BTBD18: variants seen among roughly 807,000 people sequenced by gnomAD.
BTBD18 encodes BTB domain containing 18, also known as BTB/POZ domain-containing protein 18.
For missense variants in BTBD18, 787 were observed against 846.3 expected, an observed-to-expected ratio of 0.93 and a Z score of 0.87; for synonymous variants, 311 against 324.4, an observed-to-expected ratio of 0.96 and a Z score of 0.44.
chr11:57,750,878 G>A (rs1949292672), intron 2 of BTBD18, among the ~76,000 whole-genome samples, 187 bp downstream of exon 2: 1 of 152,188 alleles, frequency 6.6e-6, no homozygotes, highest in African/African-American at 2.4e-5. Flanking sequence ...AGAGAAAGAA[G>A]CAAAGTCACA....
rs1949148669 is a variant in BTBD18 at position 57,744,343 on chromosome 11, T to A, written c.1930A>T (p.Thr644Ser). The A allele has an allele frequency of 6.4e-7, 1 of 1,551,482 alleles. No individual in the cohort carries two copies. Among genetic ancestry groups the A allele is most frequent in the Non-Finnish European group, 8.7e-7 (1 of 1,146,946 alleles). Residue 644 changes from threonine (T) to serine (S), a missense_variant, in exon 3 of 3, where the codon ACA becomes TCA. Coordinates refer to ENST00000422652, the MANE Select transcript of BTBD18 (RefSeq NM_001145101.3). ...GGAGAAGGGTATAATAACTCATCTGTAGTCAAGGAGACTTCCAGCCCAGTC... is the reference window on the plus strand; with the variant it reads ...GGAGAAGGGTATAATAACTCATCTGAAGTCAAGGAGACTTCCAGCCCAGTC... ...VETGLEVSLT[T>S]DELLYPSPKA... is the part of the protein sequence containing the mutation.
At position 57,748,252 on chromosome 11, in the gene BTBD18, A is replaced by C. The variant is rs189519159; in HGVS notation, c.125-2104T>G. On this transcript the variant is annotated intron_variant, in intron 2 of 2. Coordinates refer to ENST00000422652, the MANE Select transcript of BTBD18 (RefSeq NM_001145101.3). ...TTAAGTATCAGGTTTTTTTAAAGCT[A>C]ATATTTGTTGAGTCATTATGTTCCA... Among the ~76,000 whole-genome samples the C allele has an allele frequency of 3.3e-5, 5 of 152,318 alleles. No homozygotes were observed. The East Asian group carries it at 9.6e-4, about 29-fold the overall frequency.
Position 57,744,591 on chromosome 11 carries a change from G to A in BTBD18, c.1682C>T (p.Pro561Leu). 1.3e-6 allele frequency: 2 copies of A among 1,551,666 alleles called. No individual in the cohort carries two copies. The highest frequency in any genetic ancestry group is 1.7e-6 in the Non-Finnish European group (2 of 1,146,992). Residue 561 changes from proline (P) to leucine (L), a missense_variant, in exon 3 of 3, where the codon CCT becomes CTT. By Grantham distance (98) the Pro-to-Leu change is moderately conservative. Coordinates refer to ENST00000422652, the MANE Select transcript of BTBD18 (RefSeq NM_001145101.3). ...PRELTELEKE[P>L]AGENRGPTEL... ...AGTTGGCCCTCTGTTCTCACCAGCA[G>A]GTTCCTTTTCCAATTCTGTGAGCTC... is the stretch of plus-strand genomic sequence containing the variant.
At position 57,749,469 on chromosome 11, in the gene BTBD18, G is replaced by A. The variant is rs80092485; in HGVS notation, c.124+1596C>T. On this transcript the variant is annotated intron_variant, in intron 2 of 2. Transcript: ENST00000422652. ...GACTGTTAGAATCAGATGAGACATGGCCGGGTGTGTGGCTCACACCTGTAA... is the reference window on the plus strand; with the variant it reads ...GACTGTTAGAATCAGATGAGACATGACCGGGTGTGTGGCTCACACCTGTAA... 2.6e-5 allele frequency among the ~76,000 whole-genome samples: 4 copies of A among 152,240 alleles called. No individual in the cohort carries two copies. In the East Asian group the frequency reaches 7.7e-4, roughly 29 times the overall value.
In BTBD18 at chr11:57,745,913, C is replaced by T. The variant is rs764845115; in HGVS notation, c.360G>A (p.Leu120=). Residue 120 remains leucine, a synonymous_variant, in exon 3 of 3, where the codon CTG becomes CTA. Coordinates refer to ENST00000422652, the MANE Select transcript of BTBD18 (RefSeq NM_001145101.3). ...TTCCACCCTCAAGCTGAAGGGATTC[C>T]AGCTCAGACACACGGAGCTGACGGG... ...SAARQLRVSE[L]ESLQLEGGKL... 6 of 1,551,516 alleles carry T rather than the reference C, an allele frequency of 3.9e-6. No individual in the cohort carries two copies. The South Asian group carries it at 4.8e-5, about 12-fold the overall frequency.
At position 57,746,111 on chromosome 11, in the gene BTBD18, A is replaced by G. The variant is rs1949183064; in HGVS notation, c.162T>C (p.Ala54=). ...AVPAHCCILS[A]CSPFFTERLE... ...GGCGCTCTGTGAAGAAGGGGCTACA[A>G]GCTGACAGGATGCAGCAGTGAGCTG... Residue 54 remains alanine (A), a synonymous_variant, in exon 3 of 3, where the codon GCT becomes GCC. Transcript: ENST00000422652. 1 of 1,550,770 alleles carries G rather than the reference A, an allele frequency of 6.4e-7. No homozygotes were observed. The highest frequency in any genetic ancestry group is 1.4e-5 in the African/African-American group (1 of 73,016).
intron 2 of BTBD18, among the ~76,000 whole-genome samples, chr11:57,746,381 G>C (rs1192472303): frequency 6.8e-6 from 1 of 147,900 alleles, no homozygotes; most frequent in Non-Finnish European, 1.5e-5. Context: ...CCAGGCTGGA[G>C]TGCAGTGGTG....
Position 57,746,091 on chromosome 11 carries a change from T to G in BTBD18, c.182A>C (p.Glu61Ala). Reference protein sequence around the residue: ...ILSACSPFFTERLERERPAQG... With the variant: ...ILSACSPFFTARLERERPAQG... ...AGCTGGCCTCTCCCGCTCCAGGCGC[T>G]CTGTGAAGAAGGGGCTACAAGCTGA... The change falls in exon 3 of 3, where the codon GAG (glutamate) becomes GCG (alanine). Residue 61 changes from glutamate (E) to alanine (A), a missense_variant. By Grantham distance (107) the Glu-to-Ala change is moderately radical (BLOSUM62 -1). Transcript: ENST00000422652. The G allele has an allele frequency of 6.4e-7, 1 of 1,551,446 alleles. No individual in the cohort carries two copies. Among genetic ancestry groups the G allele is most frequent in the Non-Finnish European group, 8.7e-7 (1 of 1,146,914 alleles).
upstream of BTBD18, among the ~76,000 whole-genome samples, chr11:57,752,626 G>A (rs924947315): frequency 6.6e-6 from 1 of 152,210 alleles, no homozygotes; most frequent in African/African-American, 2.4e-5. Context: ...CGATCGCCTG[G>A]CCTTGCCTCC....
chr11:57,747,616 G>GTGAT (rs1949221387), intron 2 of BTBD18, among the ~76,000 whole-genome samples: 1 of 152,144 alleles, frequency 6.6e-6, no homozygotes, highest in Admixed American at 6.6e-5. Flanking sequence ...CTGGGTTCAA[G>GTGAT]TGATTCTCCT....
chr11:57,746,287 C>T lies in BTBD18; in HGVS notation c.125-139G>A, dbSNP rs1013586800. On this transcript the variant is annotated intron_variant, in intron 2 of 2. Transcript: ENST00000422652. ...CTTCAAGTAAAAGAAAAAAATTATT[C>T]TTCTGCCTGCCTGGAACCTTCTGCC... is the stretch of plus-strand genomic sequence containing the variant. 21 of 671,618 alleles carry T rather than the reference C, an allele frequency of 3.1e-5. No individual in the cohort carries two copies. In the African/African-American group the frequency reaches 3.3e-4, roughly 11 times the overall value. The allele number at this position is 671,618 out of a possible 1,614,324, so 41.6% of individuals were successfully genotyped here. A position where few individuals can be genotyped will look rare whatever the true frequency, so the allele number is the denominator to read the frequency against.
rs1400141666 is a variant in BTBD18, at chr11:57,743,941, A to C, written c.*193T>G. ...TACAAATAAGATGGTACAAGTTCATAATTTTCTATCTATGGTACCCTTGGC... is the reference window on the plus strand; with the variant it reads ...TACAAATAAGATGGTACAAGTTCATCATTTTCTATCTATGGTACCCTTGGC... On this transcript the variant is annotated 3_prime_UTR_variant, in exon 3 of 3. Coordinates refer to ENST00000422652, the MANE Select transcript of BTBD18 (RefSeq NM_001145101.3). 6 of 534,954 alleles carry C rather than the reference A, an allele frequency of 1.1e-5. No homozygotes were observed. Among genetic ancestry groups the C allele is most frequent in the Non-Finnish European group, 2.0e-5 (6 of 301,288 alleles). The allele number at this position is 534,954 out of a possible 1,614,324, so 33.1% of individuals were successfully genotyped here. A position where few individuals can be genotyped will look rare whatever the true frequency, so the allele number is the denominator to read the frequency against.
rs1426195047 is a variant in BTBD18 at position 57,745,513 on chromosome 11, C to G, written c.760G>C (p.Val254Leu). 1 of 1,549,492 alleles carries G rather than the reference C, an allele frequency of 6.5e-7. No homozygotes were observed. ...TTTCTGGGCAACAGGTGTTTGTCCA[C>G]AGAGGGGTACAAGCTGGGTGGGGAG... ...VLSPPSLYPSVDKHLLPRKIR... is the reference protein window; with the variant it reads ...VLSPPSLYPSLDKHLLPRKIR... The change falls in exon 3 of 3, where the codon GTG (valine) becomes CTG (leucine). Residue 254 changes from valine (V) to leucine (L), a missense_variant. Physicochemically the swap from Val to Leu is conservative, Grantham distance 32. Coordinates refer to ENST00000422652, the MANE Select transcript of BTBD18 (RefSeq NM_001145101.3).
chr11:57,746,256 A>G (rs1047128208), intron 2 of BTBD18, 108 bp from the exon 3 acceptor site: 15 of 851,972 alleles, frequency 1.8e-5, no homozygotes, highest in Admixed American at 3.3e-5. Flanking sequence ...TTTTCCTTCC[A>G]TGGGACTTCA....
Position 57,744,684 on chromosome 11 carries a change from G to A in BTBD18, c.1589C>T (p.Thr530Ile). 2 of 1,551,714 alleles carry A rather than the reference G, an allele frequency of 1.3e-6. No homozygotes were observed. The highest frequency in any genetic ancestry group is 1.7e-6 in the Non-Finnish European group (2 of 1,147,000). ...TTCAATCCAGTTCTTTCCTGTTTCT[G>A]TCAGATGGTAGGTAGGCGTTCTGCA... Reference protein sequence around the residue: ...EGCRTPTYHLTETGKNWIEGE... With the variant: ...EGCRTPTYHLIETGKNWIEGE... The change falls in exon 3 of 3, where the codon ACA becomes ATA. Residue 530 changes from threonine (T) to isoleucine (I), a missense_variant. By Grantham distance (89) the Thr-to-Ile change is moderately conservative. Transcript: ENST00000422652.
intron 2 of BTBD18, among the ~76,000 whole-genome samples, chr11:57,749,789 T>C (rs1156766064): frequency 2.1e-5 from 3 of 143,416 alleles, no homozygotes; most frequent in Admixed American, 7.0e-5. Context: ...TGAGACACTA[T>C]ACTGTATGTA....
Position 57,744,969 on chromosome 11 carries a change from T to C in BTBD18, c.1304A>G (p.His435Arg), listed in dbSNP as rs1949159994. 6.4e-7 allele frequency: 1 copy of C among 1,551,496 alleles called. No individual in the cohort carries two copies. The highest frequency in any genetic ancestry group is 8.7e-7 in the Non-Finnish European group (1 of 1,146,900). The change falls in exon 3 of 3, where the codon CAC (histidine) becomes CGC (arginine). Residue 435 changes from histidine to arginine, a missense_variant. By Grantham distance (29) the His-to-Arg change is conservative. Transcript: ENST00000422652. The stretch of plus-strand genomic sequence containing the variant: ...CTTCACCACTGGGTGGTCTGGGGAG[T>C]GGCTAGCAGAGACCAGAATGTCTTG... ...KLQDILVSASHSPDHPVVKSE... is the reference protein window; with the variant it reads ...KLQDILVSASRSPDHPVVKSE...
At chr11:57,752,697 C>T (rs1949338055), upstream of BTBD18, among the ~76,000 whole-genome samples, 1 of 152,188 alleles carries the variant, frequency 6.6e-6, no homozygotes, top group African/African-American at 2.4e-5. Context: ...CTGTGCTTGT[C>T]CTCTGTCCAG....
rs1949147427 is a variant in BTBD18 at position 57,744,280 on chromosome 11, G to T, written c.1993C>A (p.Leu665Ile). The change falls in exon 3 of 3, where the codon CTA becomes ATA. Residue 665 changes from leucine (L) to isoleucine (I), a missense_variant. Transcript: ENST00000422652. The stretch of plus-strand genomic sequence containing the variant: ...TCAGAGCTGGCAGGAAGTGAGCCTA[G>T]TAGTTCAGAGTGACCAGATACCTCC... The part of the protein sequence containing the change: ...GKEVSGHSEL[L>I]GSLPASSEEE... 2.6e-6 allele frequency: 4 copies of T among 1,551,686 alleles called. No individual in the cohort carries two copies. Among genetic ancestry groups the T allele is most frequent in the Non-Finnish European group, 3.5e-6 (4 of 1,146,984 alleles).
Sources: gnomAD v4.1 joint callset for allele counts (sites outside exome capture counted in the v4.1 genomes callset) on GRCh38, gnomAD v4.1.1 for gene constraint, MANE v1.5 for transcripts, NCBI Gene and HGNC (gene_info 2026-07-23, HGNC 2026-07-21) for gene names.